The following AFF2 variants were observed in gnomAD, a reference collection of about 807,000 sequenced individuals.
AFF2 encodes ALF transcription elongation factor 2.
AFF2 carries 14 observed loss-of-function variants against 76.9 expected under a neutral mutation model. That is an observed-to-expected ratio of 0.18 (90% CI 0.12 to 0.28). The LOEUF (loss-of-function observed/expected upper bound fraction) is 0.28. AFF2 is among the 10% of genes least tolerant of loss of function. The probability of loss-of-function intolerance (pLI) is 1.00; values close to 1 mark genes in which losing one functional copy is unlikely to be tolerated. For synonymous variants in AFF2, 398 were observed against 366.7 expected, an observed-to-expected ratio of 1.09 and a Z score of -0.98; for missense variants, 868 against 1,001.1, an observed-to-expected ratio of 0.87 and a Z score of 1.79.
At position 148,599,948 on chromosome X, in the gene AFF2, G is replaced by A. The variant is rs147241104; in HGVS notation, c.48-52051G>A. Among the ~76,000 whole-genome samples the A allele has an allele frequency of 3.1e-3, 347 of 111,730 alleles. 1 individual carries two copies. The highest frequency in any genetic ancestry group is 5.7e-3 in the Non-Finnish European group (301 of 53,105). On this transcript the variant is annotated intron_variant, in intron 1 of 20. Transcript: ENST00000370460. ...GATTTCTGCTCCCCCATCCCCCAAA[G>A]CAATCAACCATCACAACTTTCTCCT...
At chrX:148,814,372 T>C (rs1301164920) in intron 4 of AFF2, among the ~76,000 whole-genome samples, 1 of 112,220 alleles carries the variant, frequency 8.9e-6, no homozygotes, top group Non-Finnish European at 1.9e-5. Context: ...ATAGAAAGAA[T>C]TTACTTTAAA....
At chrX:148,736,463 AT>A (rs1265821283) in intron 3 of AFF2, among the ~76,000 whole-genome samples, 28 of 104,741 alleles carry the variant, frequency 2.7e-4, no homozygotes, top group Admixed American at 1.7e-3. Flanking sequence ...TTTTGATGGG[AT>A]TTTTTTTTTC....
intron 1 of AFF2, among the ~76,000 whole-genome samples, chrX:148,572,897 G>T (rs2053246482): frequency 9.0e-6 from 1 of 110,858 alleles, no homozygotes; most frequent in African/African-American, 3.3e-5. Flanking sequence ...ATGGTAAATT[G>T]TATTATCTAT....
At chrX:148,762,478 A>G (rs6641459) in intron 3 of AFF2, among the ~76,000 whole-genome samples, 1 of 25,841 alleles carries the variant, frequency 3.9e-5, no homozygotes, top group South Asian at 4.8e-3. Context: ...GTACATATGT[A>G]TATGTGTGTG....
chrX:148,753,931 G>A (rs377538334), intron 3 of AFF2, among the ~76,000 whole-genome samples: 1 of 111,094 alleles, frequency 9.0e-6, no homozygotes, highest in African/African-American at 3.3e-5. Flanking sequence ...ATCTTACTAC[G>A]TATGTCTAGC....
At chrX:148,843,230 T>C in intron 6 of AFF2, 152 bp from the exon 7 acceptor site, 1 of 501,655 alleles carries the variant, frequency 2.0e-6, no homozygotes, top group Admixed American at 4.0e-5. Flanking sequence ...CCGTGATATA[T>C]CTAACTGGTT....
intron 11 of AFF2, among the ~76,000 whole-genome samples, chrX:148,957,649 T>C (rs1569557679): frequency 8.9e-6 from 1 of 112,346 alleles, no homozygotes; most frequent in Non-Finnish European, 1.9e-5. Context: ...AACTGGTAAG[T>C]TTAATGCAAA....
rs781835772 is a variant in AFF2 at position 148,754,387 on chromosome X, T to C, written c.1042-55489T>C. Among the ~76,000 whole-genome samples the C allele has an allele frequency of 1.2e-4, 13 of 105,035 alleles. No homozygotes were observed. The South Asian group carries it at 5.0e-3, about 40-fold the overall frequency. 91.2% of individuals were successfully genotyped at this position (105,035 alleles called of 115,157 possible). On this transcript the variant is annotated intron_variant, in intron 3 of 20. Coordinates refer to ENST00000370460, the MANE Select transcript of AFF2 (RefSeq NM_002025.4). ...TGGTTTTCCATGTATTTTTAAAGTC[T>C]TTTTTTTTTTCTCTGGGAAACAGGA...
chrX:148,651,647 A>G (rs1166622744), intron 1 of AFF2, among the ~76,000 whole-genome samples: 1 of 111,773 alleles, frequency 8.9e-6, no homozygotes. Flanking sequence ...GTAGTTGGCA[A>G]CACAATGTAA....
intron 3 of AFF2, among the ~76,000 whole-genome samples, chrX:148,733,664 T>G (rs1557264871): frequency 8.9e-6 from 1 of 112,353 alleles, no homozygotes; most frequent in Non-Finnish European, 1.9e-5. Context: ...GTTTTTGTGC[T>G]TGTACGTTTT....
chrX:148,953,874 A>G, intron 10 of AFF2, 135 bp downstream of exon 10: 2 of 591,315 alleles, frequency 3.4e-6, no homozygotes, highest in South Asian at 9.1e-5. Flanking sequence ...TAGCATGATA[A>G]CCACTTCAGA....
At chrX:148,509,417 A>C (rs1012529722) in intron 1 of AFF2, among the ~76,000 whole-genome samples, 1 of 111,974 alleles carries the variant, frequency 8.9e-6, no homozygotes, top group Non-Finnish European at 1.9e-5. Context: ...CATTCATCAC[A>C]TAATTGCCTG....
At chrX:148,630,108 GCCC>G (rs1407051117) in intron 1 of AFF2, among the ~76,000 whole-genome samples, 1 of 111,503 alleles carries the variant, frequency 9.0e-6, no homozygotes, top group East Asian at 2.8e-4. Flanking sequence ...CCACAGAAAT[GCCC>G]CCTGTGTGGG....
At chrX:148,581,889 A>G in intron 1 of AFF2, among the ~76,000 whole-genome samples, 1 of 112,262 alleles carries the variant, frequency 8.9e-6, no homozygotes. Context: ...AGATTTTGCC[A>G]ATCGTTCCAA....
intron 1 of AFF2, among the ~76,000 whole-genome samples, chrX:148,551,838 A>G (rs781849929): frequency 3.6e-5 from 4 of 112,221 alleles, no homozygotes; most frequent in Non-Finnish European, 7.5e-5. Flanking sequence ...GTTTATGCTA[A>G]CAATGTGGGT....
At chrX:148,541,620 TA>T (rs1489365176) in intron 1 of AFF2, among the ~76,000 whole-genome samples, 2 of 111,525 alleles carry the variant, frequency 1.8e-5, no homozygotes, top group Non-Finnish European at 3.8e-5. Context: ...ATTAATTCAT[TA>T]ACTTTCCAAG....
intron 1 of AFF2, among the ~76,000 whole-genome samples, chrX:148,502,574 A>G (rs1185925770): frequency 1.8e-5 from 2 of 112,899 alleles, no homozygotes; most frequent in African/African-American, 6.4e-5. Flanking sequence ...ACATTGTTAC[A>G]TTAAAAAATG....
chrX:148,817,813 G>A (rs1276295568), intron 4 of AFF2, among the ~76,000 whole-genome samples: 2 of 111,622 alleles, frequency 1.8e-5, no homozygotes, highest in Non-Finnish European at 3.8e-5. Context: ...AACTGGTTCA[G>A]TGTTAAGAAA....
chrX:148,955,477 G>A (rs1179541422), intron 10 of AFF2, 126 bp from the exon 11 acceptor site: 6 of 681,978 alleles, frequency 8.8e-6, no homozygotes, highest in Non-Finnish European at 1.1e-5. Context: ...ATGAGTGTGT[G>A]TATTTGTATA....
Sources: gnomAD v4.1 joint callset for allele counts (sites outside exome capture counted in the v4.1 genomes callset) on GRCh38, gnomAD v4.1.1 for gene constraint, MANE v1.5 for transcripts, NCBI Gene and HGNC (gene_info 2026-07-23, HGNC 2026-07-21) for gene names.